Variants in MED27 observed in about 807,000 individuals in gnomAD.
The protein encoded by MED27 is mediator of RNA polymerase II transcription subunit 27.
In MED27, 30 loss-of-function variants were observed where a neutral mutation model predicts 38.2. That is an observed-to-expected ratio of 0.79 (90% confidence interval 0.59 to 1.07). The LOEUF (loss-of-function observed/expected upper bound fraction) is 1.07. MED27 is among the 50% of genes least tolerant of loss of function. MED27 has a pLI of 0.00. For missense variants in MED27, 289 were observed against 397.5 expected, an observed-to-expected ratio of 0.73 and a Z score of 2.32; for synonymous variants, 122 against 153.5, an observed-to-expected ratio of 0.79 and a Z score of 1.52.
At chr9:132,079,168 G>C (rs566494436) in intron 1 of MED27, among the ~76,000 whole-genome samples, 3 of 152,290 alleles carry the variant, frequency 2.0e-5, no homozygotes, top group East Asian at 1.9e-4. Context: ...CGTGGTTGCG[G>C]GTGGGTGGTG....
At chr9:131,990,910 A>G (rs1165303298) in intron 3 of MED27, among the ~76,000 whole-genome samples, 3 of 152,232 alleles carry the variant, frequency 2.0e-5, no homozygotes, top group Admixed American at 6.5e-5. Flanking sequence ...CGGGAAATCC[A>G]TAACACTTGT....
At chr9:132,066,495 G>C (rs560630904) in intron 2 of MED27, among the ~76,000 whole-genome samples, 1 of 152,356 alleles carries the variant, frequency 6.6e-6, no homozygotes, top group South Asian at 2.1e-4. Flanking sequence ...AGTACTAGAT[G>C]AGCAAACCGT....
intron 3 of MED27, among the ~76,000 whole-genome samples, chr9:131,956,386 C>T (rs1204364173): frequency 1.3e-5 from 2 of 152,116 alleles, no homozygotes; most frequent in Non-Finnish European, 1.5e-5. Context: ...GAGGCCGAGG[C>T]GGGCAGATCA....
At chr9:131,874,705 G>A (rs1838898777) in intron 6 of MED27, among the ~76,000 whole-genome samples, 1 of 152,142 alleles carries the variant, frequency 6.6e-6, no homozygotes, top group South Asian at 2.1e-4. Flanking sequence ...GAGACGCGCT[G>A]GGTCTTTGAC....
Position 131,974,359 on chromosome 9 carries a change from T to C in MED27, c.480-34885A>G, listed in dbSNP as rs146211488. On this transcript the variant is annotated intron_variant, in intron 3 of 7. Coordinates refer to ENST00000292035, the MANE Select transcript of MED27 (RefSeq NM_004269.4). ...GTACCAGGCTTAACGGATATACAGA[T>C]CAAGTAGGAATCCCTGAGGCTCCTG... Among the ~76,000 whole-genome samples, 697 of 152,300 alleles carry C rather than the reference T, an allele frequency of 4.6e-3. 5 individuals carry two copies. Among genetic ancestry groups the C allele is most frequent in the South Asian group, 0.023 (113 of 4,824 alleles).
At chr9:131,892,608 T>A (rs1056898753) in intron 5 of MED27, among the ~76,000 whole-genome samples, 7 of 152,084 alleles carry the variant, frequency 4.6e-5, no homozygotes, top group Non-Finnish European at 7.4e-5. Context: ...GTACCAGGAG[T>A]GACTATGAAG....
At chr9:131,910,140 C>G (rs1405575088) in intron 4 of MED27, among the ~76,000 whole-genome samples, 2 of 152,216 alleles carry the variant, frequency 1.3e-5, no homozygotes, top group Admixed American at 1.3e-4. Flanking sequence ...TTCCTACAAG[C>G]ATTATTCAAC....
intron 2 of MED27, among the ~76,000 whole-genome samples, chr9:132,023,184 C>T (rs1832753146): frequency 6.6e-6 from 1 of 151,948 alleles, no homozygotes; most frequent in African/African-American, 2.4e-5. Flanking sequence ...AGAAATATGA[C>T]CCTGAATATT....
At chr9:131,890,615 C>CT (rs1839212541) in intron 5 of MED27, among the ~76,000 whole-genome samples, 1 of 152,188 alleles carries the variant, frequency 6.6e-6, no homozygotes, top group Non-Finnish European at 1.5e-5. Flanking sequence ...CCCAAGTAGG[C>CT]TTTTTCATCA....
intron 2 of MED27, among the ~76,000 whole-genome samples, chr9:132,021,658 C>T (rs1276016577): frequency 1.3e-5 from 2 of 152,102 alleles, no homozygotes; most frequent in Admixed American, 6.5e-5. Context: ...AGGGGTTGAA[C>T]GTTTTTGTCT....
chr9:131,950,393 C>G (rs1216750174), intron 3 of MED27, among the ~76,000 whole-genome samples: 1 of 152,214 alleles, frequency 6.6e-6, no homozygotes, highest in Non-Finnish European at 1.5e-5. Context: ...ATTCCAATGG[C>G]TTTCCCTCCC....
chr9:131,871,161 C>T (rs1838826808), intron 6 of MED27, among the ~76,000 whole-genome samples: 1 of 152,138 alleles, frequency 6.6e-6, no homozygotes, highest in Non-Finnish European at 1.5e-5. Flanking sequence ...TGCTGTACGC[C>T]CCGGATTCGG....
intron 6 of MED27, among the ~76,000 whole-genome samples, chr9:131,877,105 G>C (rs961108284): frequency 6.6e-6 from 1 of 152,168 alleles, no homozygotes; most frequent in African/African-American, 2.4e-5. Context: ...GAGTGTGGGG[G>C]TCTCACCTGT....
intron 6 of MED27, among the ~76,000 whole-genome samples, chr9:131,878,331 A>G (rs1838974991): frequency 6.6e-6 from 1 of 152,112 alleles, no homozygotes; most frequent in African/African-American, 2.4e-5. Context: ...TAATCAACTA[A>G]TAAATGAACA....
chr9:131,983,571 C>A (rs1831785979), intron 3 of MED27, among the ~76,000 whole-genome samples: 1 of 152,188 alleles, frequency 6.6e-6, no homozygotes, highest in Non-Finnish European at 1.5e-5. Context: ...CCCATCCAAT[C>A]ATTAACAATG....
intron 5 of MED27, among the ~76,000 whole-genome samples, chr9:131,887,904 G>T (rs940196451): frequency 3.9e-5 from 6 of 152,168 alleles, no homozygotes; most frequent in Non-Finnish European, 8.8e-5. Context: ...GTATTTTAAG[G>T]GTGGGGTGTG....
intron 3 of MED27, among the ~76,000 whole-genome samples, chr9:132,011,007 T>G (rs1032912449): frequency 1.3e-5 from 2 of 152,194 alleles, no homozygotes; most frequent in Admixed American, 6.5e-5. Context: ...GTTGTGCACA[T>G]GTACCCTAGA....
intron 2 of MED27, among the ~76,000 whole-genome samples, chr9:132,067,398 G>C (rs772206961): frequency 5.3e-5 from 8 of 152,194 alleles, no homozygotes; most frequent in Non-Finnish European, 7.3e-5. Flanking sequence ...TTGCTTCCCA[G>C]AGATGTTTAA....
intron 3 of MED27, among the ~76,000 whole-genome samples, chr9:132,008,698 G>A (rs1832418237): frequency 6.6e-6 from 1 of 152,170 alleles, no homozygotes; most frequent in Admixed American, 6.5e-5. Flanking sequence ...TGCCACGCCT[G>A]TGCTCTCTGC....
Sources: gnomAD v4.1 joint callset for allele counts (sites outside exome capture counted in the v4.1 genomes callset) on GRCh38, gnomAD v4.1.1 for gene constraint, MANE v1.5 for transcripts, NCBI Gene and HGNC (gene_info 2026-07-23, HGNC 2026-07-21) for gene names.